The following UBE2G1 variants were observed in gnomAD, a reference collection of about 807,000 sequenced individuals.
UBE2G1 encodes the protein ubiquitin-conjugating enzyme E2 G1.
UBE2G1 carries 5 observed loss-of-function variants against 22.7 expected under a neutral mutation model. The observed-to-expected ratio is 0.22, with a 90% CI of 0.12 to 0.46. The LOEUF is 0.46. Ranked by LOEUF, UBE2G1 falls within the 20% of genes least tolerant of loss-of-function variation. The pLI is 0.99. For missense variants in UBE2G1, 88 were observed against 203.9 expected (o/e 0.43, Z 3.46); for synonymous variants, 74 against 67.5 (o/e 1.10, Z -0.47).
At chr17:4,338,029 G>A (rs1304574137) in intron 1 of UBE2G1, among the ~76,000 whole-genome samples, 1 of 152,094 alleles carries the variant, frequency 6.6e-6, no homozygotes, top group Non-Finnish European at 1.5e-5. Flanking sequence ...AATTAGCCAG[G>A]CATGCTGGCA....
intron 5 of UBE2G1, among the ~76,000 whole-genome samples, chr17:4,274,211 T>TA (rs1308428458): frequency 1.4e-5 from 2 of 147,132 alleles, no homozygotes; most frequent in Non-Finnish European, 3.0e-5. Context: ...TTTTTTTTTT[T>TA]TTTTGAGACA....
chr17:4,327,522 A>G (rs1969516389), intron 1 of UBE2G1, among the ~76,000 whole-genome samples: 1 of 152,128 alleles, frequency 6.6e-6, no homozygotes, highest in Admixed American at 6.6e-5. Context: ...TCAAACTCAG[A>G]GAGAGAAAAT....
In UBE2G1 at chr17:4,270,283, G is replaced by A. The variant is rs1366088320; in HGVS notation, c.*2271C>T. On this transcript the variant is annotated 3_prime_UTR_variant, in exon 6 of 6. Transcript: ENST00000396981. ...GTTTCACCTCAACAGATTGCTAGCA[G>A]AATTATAGCAATAGGAGAGCAAAAT... 1.3e-5 allele frequency: 2 copies of A among 152,624 alleles called. No individual in the cohort carries two copies. Among genetic ancestry groups the A allele is most frequent in the African/African-American group, 4.8e-5 (2 of 41,454 alleles). 9.5% of individuals were successfully genotyped at this position (152,624 alleles called of 1,614,324 possible). A position where few individuals can be genotyped will look rare whatever the true frequency, so the allele number is the denominator to read the frequency against.
rs536869011 is a variant in UBE2G1 at position 4,270,844 on chromosome 17, A to G, written c.*1710T>C. On this transcript the variant is annotated 3_prime_UTR_variant, in exon 6 of 6. Transcript: ENST00000396981. ...CTCTACTGTGACTACATCCTCAACC[A>G]TTTTATTTCTGCTTAAAAAAGGACA... 5 of 152,254 alleles carry G rather than the reference A, an allele frequency of 3.3e-5. No homozygotes were observed. The highest frequency in any genetic ancestry group is 5.9e-5 in the Non-Finnish European group (4 of 68,004). 9.4% of individuals were successfully genotyped at this position (152,254 alleles called of 1,614,324 possible). A position where few individuals can be genotyped will look rare whatever the true frequency, so the allele number is the denominator to read the frequency against.
intron 1 of UBE2G1, among the ~76,000 whole-genome samples, chr17:4,314,038 G>T (rs994351997): frequency 2.6e-5 from 4 of 152,156 alleles, no homozygotes; most frequent in African/African-American, 9.7e-5. Context: ...TAAAAACGCT[G>T]CATTTCTGAA....
At chr17:4,315,495 C>T (rs996835066) in intron 1 of UBE2G1, among the ~76,000 whole-genome samples, 2 of 151,968 alleles carry the variant, frequency 1.3e-5, no homozygotes, top group Non-Finnish European at 2.9e-5. Context: ...AATCCCAGCA[C>T]TTTCGGAGGC....
intron 1 of UBE2G1, among the ~76,000 whole-genome samples, chr17:4,329,115 A>AAG (rs982264302): frequency 9.2e-6 from 1 of 108,152 alleles, no homozygotes; most frequent in African/African-American, 3.0e-5. Flanking sequence ...AAAAGAAAAA[A>AAG]AAAAAAAAAA....
chr17:4,294,546 C>G (rs1455142433), intron 3 of UBE2G1, among the ~76,000 whole-genome samples: 1 of 152,134 alleles, frequency 6.6e-6, no homozygotes, highest in Non-Finnish European at 1.5e-5. Flanking sequence ...GGTGATTGCT[C>G]TCTTTCTTTT....
chr17:4,301,633 C>T, intron 2 of UBE2G1: 1 of 909,542 alleles, frequency 1.1e-6, no homozygotes. Flanking sequence ...GGCACAATTA[C>T]TTTTAGCTGT....
At chr17:4,359,858 A>T (rs144858398) in intron 1 of UBE2G1, among the ~76,000 whole-genome samples, 54,735 of 150,398 alleles carry the variant, frequency 0.36, 10,604 homozygotes, top group African/African-American at 0.47. Context: ...TCTCAAAAAA[A>T]AAAAAAAAAC....
At chr17:4,311,462 T>C (rs1202330180) in intron 1 of UBE2G1, among the ~76,000 whole-genome samples, 3 of 152,180 alleles carry the variant, frequency 2.0e-5, no homozygotes, top group East Asian at 1.9e-4. Flanking sequence ...TGAAATACTA[T>C]TCAGCCACAG....
chr17:4,328,922 TA>T (rs1329136126), intron 1 of UBE2G1, among the ~76,000 whole-genome samples: 2 of 150,102 alleles, frequency 1.3e-5, no homozygotes, highest in Non-Finnish European at 3.0e-5. Flanking sequence ...CCGTCTCTAC[TA>T]AAAATACAAA....
At chr17:4,353,311 CAAGT>C (rs749517604) in intron 1 of UBE2G1, among the ~76,000 whole-genome samples, 19 of 151,938 alleles carry the variant, frequency 1.3e-4, no homozygotes, top group Non-Finnish European at 2.1e-4. Context: ...CTTGCTTAAA[CAAGT>C]AAATGGAAAA....
At chr17:4,366,133 C>A in intron 1 of UBE2G1, 138 bp downstream of exon 1, 1 of 884,266 alleles carries the variant, frequency 1.1e-6, no homozygotes, top group East Asian at 3.4e-5. Flanking sequence ...CGGCCGGGAC[C>A]GGAGCCTCGA....
intron 1 of UBE2G1, among the ~76,000 whole-genome samples, chr17:4,329,712 AAAT>A (rs1969547988): frequency 6.6e-6 from 1 of 152,190 alleles, no homozygotes; most frequent in Non-Finnish European, 1.5e-5. Flanking sequence ...GTTGTCTTCA[AAAT>A]AATACTGATG....
chr17:4,357,054 T>G (rs923353450), intron 1 of UBE2G1, among the ~76,000 whole-genome samples: 1 of 152,118 alleles, frequency 6.6e-6, no homozygotes, highest in Non-Finnish European at 1.5e-5. Flanking sequence ...ATATACTTTA[T>G]AGTCCCCCCA....
At chr17:4,281,423 C>T (rs145126185) in intron 5 of UBE2G1, among the ~76,000 whole-genome samples, 4 of 152,178 alleles carry the variant, frequency 2.6e-5, no homozygotes, top group South Asian at 2.1e-4. Context: ...AAGAAAGCAG[C>T]GGAGTGTAGG....
chr17:4,344,449 A>T (rs1969746471), intron 1 of UBE2G1, among the ~76,000 whole-genome samples: 1 of 152,016 alleles, frequency 6.6e-6, no homozygotes, highest in African/African-American at 2.4e-5. Flanking sequence ...CTGAGGCAGG[A>T]GAATCTCTTG....
intron 1 of UBE2G1, among the ~76,000 whole-genome samples, chr17:4,354,777 AT>A (rs989559262): frequency 1.3e-3 from 196 of 151,990 alleles, no homozygotes; most frequent in African/African-American, 4.5e-3. Flanking sequence ...CCAAAAAAAA[AT>A]TTTTTTTAAT....
Sources: gnomAD v4.1 joint callset for allele counts (sites outside exome capture counted in the v4.1 genomes callset) on GRCh38, gnomAD v4.1.1 for gene constraint, MANE v1.5 for transcripts, NCBI Gene and HGNC (gene_info 2026-07-23, HGNC 2026-07-21) for gene names.